Variants in IPO11 observed in about 807,000 individuals in gnomAD.
The protein encoded by IPO11 is importin 11, also known as importin-11.
A neutral mutation model predicts 143.2 loss-of-function variants in IPO11; 66 were observed. The ratio of observed to expected loss-of-function variants is 0.46; its 90% CI spans 0.38 to 0.57. IPO11 has a LOEUF of 0.57. Among genes scored for constraint, IPO11 ranks in the 20% least tolerant of loss-of-function variants. The pLI is 0.00. For missense variants in IPO11, 1,026 were observed against 1,141.0 expected, an observed-to-expected ratio of 0.90 and a Z score of 1.45; for synonymous variants, 385 against 377.8, an observed-to-expected ratio of 1.02 and a Z score of -0.22.
intron 16 of IPO11, among the ~76,000 whole-genome samples, chr5:62,494,541 G>A (rs1277235717): frequency 6.6e-6 from 1 of 151,774 alleles, no homozygotes; most frequent in African/African-American, 2.4e-5. Flanking sequence ...CTCTTTTAAG[G>A]AATTTTTCTT....
chr5:62,435,943 C>T (rs998011278), intron 1 of IPO11, among the ~76,000 whole-genome samples: 14 of 152,150 alleles, frequency 9.2e-5, no homozygotes, highest in Admixed American at 4.6e-4. Flanking sequence ...GCAGGAGAAT[C>T]GCTTGAACCC....
intron 20 of IPO11, among the ~76,000 whole-genome samples, chr5:62,525,487 G>T (rs977188030): frequency 1.3e-5 from 2 of 151,874 alleles, no homozygotes; most frequent in Non-Finnish European, 2.9e-5. Flanking sequence ...GGGCTCCAGC[G>T]ATCCTCCTGC....
At chr5:62,530,669 G>A in intron 21 of IPO11, 40 bp from the exon 22 acceptor site, 1 of 1,273,274 alleles carries the variant, frequency 7.9e-7, no homozygotes, top group Non-Finnish European at 1.1e-6. Flanking sequence ...GGCTTTAATG[G>A]GCATGGAAAG....
chr5:62,502,468 T>C (rs1415935920), intron 16 of IPO11, among the ~76,000 whole-genome samples: 1 of 152,238 alleles, frequency 6.6e-6, no homozygotes, highest in African/African-American at 2.4e-5. Flanking sequence ...TGTTTATTTG[T>C]CATCATTTAA....
chr5:62,484,952 C>T (rs1174807083), intron 11 of IPO11, among the ~76,000 whole-genome samples: 6 of 150,450 alleles, frequency 4.0e-5, no homozygotes, highest in African/African-American at 1.5e-4. Context: ...TTATATAGTA[C>T]ATACAACATT....
intron 28 of IPO11, among the ~76,000 whole-genome samples, chr5:62,596,783 C>T (rs1745241534): frequency 6.6e-6 from 1 of 152,046 alleles, no homozygotes; most frequent in South Asian, 2.1e-4. Flanking sequence ...TTCTGCCCCA[C>T]TTAAAATTAA....
chr5:62,563,973 G>A (rs542780611), intron 27 of IPO11, among the ~76,000 whole-genome samples: 1 of 152,286 alleles, frequency 6.6e-6, no homozygotes, highest in Non-Finnish European at 1.5e-5. Context: ...TGAGGTGGTA[G>A]CCTTGTGATG....
At chr5:62,474,528 C>A in intron 8 of IPO11, 64 bp downstream of exon 8, 2 of 1,099,864 alleles carry the variant, frequency 1.8e-6, no homozygotes, top group Non-Finnish European at 1.3e-6. Flanking sequence ...CTTATTCATT[C>A]ATTAATAGCT....
intron 1 of IPO11, among the ~76,000 whole-genome samples, chr5:62,420,392 GTGCTCTGC>G (rs1381548492): frequency 3.3e-5 from 5 of 151,788 alleles, no homozygotes; most frequent in African/African-American, 4.8e-5. Context: ...CTAATTGTAT[GTGCTCTGC>G]TTTTATACAA....
chr5:62,464,044 G>A (rs980839651), intron 5 of IPO11, among the ~76,000 whole-genome samples: 2 of 151,144 alleles, frequency 1.3e-5, no homozygotes, highest in East Asian at 3.9e-4. Context: ...GGCTGGTCTC[G>A]AACTCCTGAC....
At chr5:62,479,672 A>G (rs941011348) in intron 9 of IPO11, among the ~76,000 whole-genome samples, 6 of 152,144 alleles carry the variant, frequency 3.9e-5, no homozygotes, top group Admixed American at 6.5e-5. Context: ...TTTGATTTGC[A>G]TCTCTCTGAT....
intron 1 of IPO11, among the ~76,000 whole-genome samples, chr5:62,431,956 C>CATACATACATAT (rs1193032522): frequency 6.6e-6 from 1 of 151,720 alleles, no homozygotes; most frequent in African/African-American, 2.4e-5. Context: ...TACATACATA[C>CATACATACATAT]ATACATACAT....
chr5:62,438,350 TA>T (rs969373247), intron 2 of IPO11, among the ~76,000 whole-genome samples: 38 of 146,490 alleles, frequency 2.6e-4, no homozygotes, highest in South Asian at 4.3e-4. Context: ...AACAGAATCG[TA>T]AAAAAAAAAA....
At chr5:62,566,415 C>T (rs1161893446) in intron 27 of IPO11, among the ~76,000 whole-genome samples, 2 of 151,942 alleles carry the variant, frequency 1.3e-5, no homozygotes, top group Non-Finnish European at 2.9e-5. Context: ...TTGTTGGGTG[C>T]ATAAATGTTA....
intron 20 of IPO11, among the ~76,000 whole-genome samples, chr5:62,518,460 A>C (rs1742099112): frequency 6.6e-6 from 1 of 151,254 alleles, no homozygotes; most frequent in Non-Finnish European, 1.5e-5. Flanking sequence ...AAAAAAGCCC[A>C]AAAATTAATT....
intron 5 of IPO11, among the ~76,000 whole-genome samples, chr5:62,455,395 C>T (rs950246877): frequency 4.6e-5 from 7 of 152,168 alleles, no homozygotes; most frequent in Non-Finnish European, 8.8e-5. Context: ...TGGTGGCGCA[C>T]GCCTGTAATC....
In IPO11 at chr5:62,442,812, C is replaced by T. The variant is rs577723634; in HGVS notation, c.139-171C>T. 3.8e-4 allele frequency among the ~76,000 whole-genome samples: 57 copies of T among 151,876 alleles called. 1 individual carries two copies. Among genetic ancestry groups the T allele is most frequent in the Admixed American group, 3.4e-3 (52 of 15,230 alleles). Reference sequence around the variant, plus strand: ...CTGGGAGGCGGAGGTTGCAGTGAGCCGAAATCGTGTCATTGCACTCCAGCC... The same window carrying T: ...CTGGGAGGCGGAGGTTGCAGTGAGCTGAAATCGTGTCATTGCACTCCAGCC... On this transcript the variant is annotated intron_variant, in intron 2 of 29. Transcript: ENST00000325324.
intron 5 of IPO11, among the ~76,000 whole-genome samples, chr5:62,459,740 G>A (rs1745290933): frequency 6.6e-6 from 1 of 152,028 alleles, no homozygotes; most frequent in Non-Finnish European, 1.5e-5. Flanking sequence ...AGTAGAGGCA[G>A]GGGTTTCACC....
At chr5:62,614,535 C>T (rs116341984) in intron 29 of IPO11, among the ~76,000 whole-genome samples, 1 of 152,216 alleles carries the variant, frequency 6.6e-6, no homozygotes, top group Non-Finnish European at 1.5e-5. Context: ...CCCGCCCCCC[C>T]TCACCCCGCA....
Sources: gnomAD v4.1 joint callset for allele counts (sites outside exome capture counted in the v4.1 genomes callset) on GRCh38, gnomAD v4.1.1 for gene constraint, MANE v1.5 for transcripts, NCBI Gene and HGNC (gene_info 2026-07-23, HGNC 2026-07-21) for gene names.